Variants in TRIM25 observed in about 807,000 individuals in gnomAD.
TRIM25 encodes tripartite motif containing 25.
A neutral mutation model predicts 65.2 loss-of-function variants in TRIM25; 45 were observed. That is an observed-to-expected ratio of 0.69 (90% CI 0.54 to 0.89). The LOEUF (loss-of-function observed/expected upper bound fraction) is 0.89. Ranked by LOEUF, TRIM25 falls within the 40% of genes least tolerant of loss-of-function variation. TRIM25 has a pLI of 0.00. For synonymous variants in TRIM25, 321 were observed against 340.4 expected (o/e 0.94, Z 0.63); for missense variants, 714 against 803.7 (o/e 0.89, Z 1.35).
intron 8 of TRIM25, among the ~76,000 whole-genome samples, chr17:56,893,271 C>T (rs1339069160): frequency 6.6e-6 from 1 of 152,138 alleles, no homozygotes; most frequent in African/African-American, 2.4e-5. Context: ...CACTGGAGCC[C>T]GAGTTTCCCC....
rs932627180 is a variant in TRIM25, at chr17:56,898,965, C to G, written c.1153+150G>C. 3 of 777,798 alleles carry G rather than the reference C, an allele frequency of 3.9e-6. No homozygotes were observed. In the African/African-American group the frequency reaches 5.2e-5, roughly 13 times the overall value. The allele number at this position is 777,798 out of a possible 1,614,324, so 48.2% of individuals were successfully genotyped here. On this transcript the variant is annotated intron_variant, in intron 5 of 8. Transcript: ENST00000316881. The stretch of plus-strand genomic sequence containing the variant: ...CAGCGGAGCTTCTGCCACAGCCCTA[C>G]AGCCCCCCGCAGTGGGGACTGCCAC...
At chr17:56,908,684 A>G in intron 1 of TRIM25, 121 bp from the exon 2 acceptor site, 1 of 950,940 alleles carries the variant, frequency 1.1e-6, no homozygotes, top group South Asian at 1.4e-5. Context: ...AAGTCTTGCC[A>G]CCCCAAGTCC....
At position 56,904,348 on chromosome 17, in the gene TRIM25, A is replaced by G. The variant is rs2144358684; in HGVS notation, c.834T>C (p.Tyr278=). 2 of 1,614,034 alleles carry G rather than the reference A, an allele frequency of 1.2e-6. No individual in the cohort carries two copies. The highest frequency in any genetic ancestry group is 4.5e-5 in the East Asian group (2 of 44,874). Reference sequence around the variant, plus strand: ...CACTCTTCTTCTTGAGGAGAATCTGATAAATGGTGTCAAACTTGCTGTTGA... The same window carrying G: ...CACTCTTCTTCTTGAGGAGAATCTGGTAAATGGTGTCAAACTTGCTGTTGA... ...KRVNSKFDTI[Y]QILLKKKSEI... Residue 278 remains tyrosine, a synonymous_variant, in exon 3 of 9, where the codon TAT becomes TAC. Transcript: ENST00000316881.
chr17:56,895,641 C>T (rs373056730), intron 6 of TRIM25, 37 bp from the exon 7 acceptor site: 9 of 1,527,980 alleles, frequency 5.9e-6, no homozygotes, highest in Middle Eastern at 1.8e-4. Flanking sequence ...TACAGAGCAA[C>T]GGGATGGCCT....
intron 2 of TRIM25, among the ~76,000 whole-genome samples, chr17:56,906,718 C>A (rs1375772350): frequency 6.6e-6 from 1 of 152,242 alleles, no homozygotes; most frequent in Non-Finnish European, 1.5e-5. Flanking sequence ...TGGTCTTGAA[C>A]TGCTGACCTC....
Position 56,901,428 on chromosome 17 carries a change from G to T in TRIM25, c.1078C>A (p.Pro360Thr), listed in dbSNP as rs1746133072. Reference sequence around the variant, plus strand: ...GGGCTGCTAAGGTCACCTGAACTGGGGGTGGGCTCCTGGAGCCGCCCGATG... The same window carrying T: ...GGGCTGCTAAGGTCACCTGAACTGGTGGTGGGCTCCTGGAGCCGCCCGATG... ...QCIGRLQEPTPSSGDPGEHDP... is the reference protein window; with the variant it reads ...QCIGRLQEPTTSSGDPGEHDP... Residue 360 changes from proline (P) to threonine (T), a missense_variant, in exon 4 of 9, where the codon CCC becomes ACC. Coordinates refer to ENST00000316881, the MANE Select transcript of TRIM25 (RefSeq NM_005082.5). The T allele has an allele frequency of 1.2e-6, 2 of 1,613,766 alleles. No individual in the cohort carries two copies. Among genetic ancestry groups the T allele is most frequent in the South Asian group, 2.2e-5 (2 of 91,070 alleles).
At chr17:56,910,208 T>C (rs1188054842) in intron 1 of TRIM25, among the ~76,000 whole-genome samples, 4 of 152,238 alleles carry the variant, frequency 2.6e-5, no homozygotes, top group Non-Finnish European at 4.4e-5. Flanking sequence ...ATACTCTGGC[T>C]CTCTCTTCCA....
At position 56,890,417 on chromosome 17, in the gene TRIM25, G is replaced by A; in HGVS notation, c.*1283C>T. 1 of 356,750 alleles carries A rather than the reference G, an allele frequency of 2.8e-6. No homozygotes were observed. The highest frequency in any genetic ancestry group is 2.1e-5 in the South Asian group (1 of 48,586). The allele number at this position is 356,750 out of a possible 1,614,324, so 22.1% of individuals were successfully genotyped here. A position where few individuals can be genotyped will look rare whatever the true frequency, so the allele number is the denominator to read the frequency against. On this transcript the variant is annotated 3_prime_UTR_variant, in exon 9 of 9. Coordinates refer to ENST00000316881, the MANE Select transcript of TRIM25 (RefSeq NM_005082.5). ...TGATCAATGTGAGCTTATATAATTGGCTTAAATGAGGAAGTCAGTAGAAGG... is the reference window on the plus strand; with the variant it reads ...TGATCAATGTGAGCTTATATAATTGACTTAAATGAGGAAGTCAGTAGAAGG...
At chr17:56,894,230 TG>T (rs1325111530) in intron 8 of TRIM25, among the ~76,000 whole-genome samples, 3 of 152,088 alleles carry the variant, frequency 2.0e-5, no homozygotes, top group African/African-American at 7.2e-5. Flanking sequence ...CCCAGGAATT[TG>T]GTTTTTGGGG....
chr17:56,898,509 G>T (rs1307792262), intron 5 of TRIM25, among the ~76,000 whole-genome samples: 1 of 152,172 alleles, frequency 6.6e-6, no homozygotes, highest in Non-Finnish European at 1.5e-5. Context: ...CCAATGAGGG[G>T]GATAGTACCC....
rs1909093426 is a variant in TRIM25, at chr17:56,888,163, T to A, written c.*3537A>T. The A allele has an allele frequency of 6.6e-6, 1 of 152,264 alleles. No homozygotes were observed. The highest frequency in any genetic ancestry group is 2.4e-5 in the African/African-American group (1 of 41,438). 9.4% of individuals were successfully genotyped at this position (152,264 alleles called of 1,614,324 possible). On this transcript the variant is annotated 3_prime_UTR_variant, in exon 9 of 9. Coordinates refer to ENST00000316881, the MANE Select transcript of TRIM25 (RefSeq NM_005082.5). The stretch of plus-strand genomic sequence containing the variant: ...ACTGGCCAGATGATTAAACTCAGCC[T>A]CCAGTCCCCCGCCCCATAGGTCAGG...
At chr17:56,907,791 T>C (rs1287867035) in intron 2 of TRIM25, among the ~76,000 whole-genome samples, 1 of 152,176 alleles carries the variant, frequency 6.6e-6, no homozygotes, top group Non-Finnish European at 1.5e-5. Flanking sequence ...CAATTAAAGA[T>C]CTTGAGATTC....
Position 56,907,577 on chromosome 17 carries a change from G to A in TRIM25, c.693+891C>T, listed in dbSNP as rs915356716. On this transcript the variant is annotated intron_variant, in intron 2 of 8. Transcript: ENST00000316881. ...CTTTCCATTTAAAAGCAATTTAAAC[G>A]TATCGAAAATCTGAAAAACAGGGGG... Among the ~76,000 whole-genome samples, 9 of 152,262 alleles carry A rather than the reference G, an allele frequency of 5.9e-5. No individual in the cohort carries two copies. The South Asian group carries it at 1.0e-3, about 17-fold the overall frequency.
In TRIM25 at chr17:56,904,259, A is replaced by G. The variant is rs780221013; in HGVS notation, c.923T>C (p.Leu308Pro). The G allele has an allele frequency of 6.2e-7, 1 of 1,607,488 alleles. No individual in the cohort carries two copies. Among genetic ancestry groups the G allele is most frequent in the Non-Finnish European group, 8.5e-7 (1 of 1,177,290 alleles). The change falls in exon 3 of 9, where the codon CTG (leucine) becomes CCG (proline). Residue 308 changes from leucine (L) to proline (P), a missense_variant. Leu to Pro is a moderately conservative substitution (Grantham distance 98). Around this residue, in one of 3 missense-constraint regions of TRIM25, gnomAD observed 413 missense variants for 498.2 expected, o/e 0.83. Coordinates refer to ENST00000316881, the MANE Select transcript of TRIM25 (RefSeq NM_005082.5). ...SLTKRDEFEF[L>P]EKASKLRGIS... Reference sequence around the variant, plus strand: ...CAATGCCTTGTGGCGACCTACCTCCAGAAACTCGAACTCATCCCTCTTGGT... The same window carrying G: ...CAATGCCTTGTGGCGACCTACCTCCGGAAACTCGAACTCATCCCTCTTGGT...
chr17:56,894,532 G>A (rs898339898), intron 8 of TRIM25, among the ~76,000 whole-genome samples: 2 of 152,242 alleles, frequency 1.3e-5, no homozygotes, highest in Admixed American at 6.5e-5. Flanking sequence ...TTACAGGCAT[G>A]AGCCACCGCA....
intron 3 of TRIM25, among the ~76,000 whole-genome samples, chr17:56,902,738 A>G (rs1440098183): frequency 3.3e-5 from 5 of 152,190 alleles, no homozygotes; most frequent in Admixed American, 3.3e-4. Flanking sequence ...TTAGACAGAT[A>G]CTTTGATACA....
chr17:56,904,915 C>T (rs574758836), intron 2 of TRIM25, among the ~76,000 whole-genome samples: 61 of 152,294 alleles, frequency 4.0e-4, no homozygotes, highest in South Asian at 2.3e-3. Flanking sequence ...AGAAAAACAA[C>T]TTGCAGAAGA....
chr17:56,908,660 C>T lies in TRIM25; in HGVS notation c.598-97G>A. 5 of 1,239,338 alleles carry T rather than the reference C, an allele frequency of 4.0e-6. No homozygotes were observed. The South Asian group carries it at 5.0e-5, about 12-fold the overall frequency. The allele number at this position is 1,239,338 out of a possible 1,614,324, so 76.8% of individuals were successfully genotyped here. ...TATCCCACAGGATAGATTCCTTCCT[C>T]TTCCACTCCACCCAAGTCTTGCCAC... On this transcript the variant is annotated intron_variant, in intron 1 of 8. Transcript: ENST00000316881.
intron 5 of TRIM25, among the ~76,000 whole-genome samples, chr17:56,896,979 G>T (rs941415713): frequency 2.0e-5 from 3 of 151,872 alleles, no homozygotes; most frequent in African/African-American, 4.8e-5. Context: ...CTGGCTTAGT[G>T]GCACATGCCT....
Sources: gnomAD v4.1 joint callset for allele counts (sites outside exome capture counted in the v4.1 genomes callset) on GRCh38, gnomAD v4.1.1 for gene constraint, gnomAD v4.1.1 regional missense constraint, MANE v1.5 for transcripts, NCBI Gene and HGNC (gene_info 2026-07-23, HGNC 2026-07-21) for gene names.